MYOT: variants seen among roughly 807,000 people sequenced by gnomAD.
MYOT encodes the protein 57 kDa cytoskeletal protein.
MYOT carries 36 observed loss-of-function variants against 58.0 expected under a neutral mutation model. The observed-to-expected ratio is 0.62, with a 90% CI of 0.48 to 0.82. The LOEUF is 0.82. Ranked by LOEUF, MYOT falls within the 40% of genes least tolerant of loss-of-function variation. The pLI is 0.00. For synonymous variants in MYOT, 218 were observed against 204.6 expected (o/e 1.07, Z -0.56); for missense variants, 505 against 592.1 (o/e 0.85, Z 1.53).
intron 7 of MYOT, among the ~76,000 whole-genome samples, chr5:137,884,757 A>G (rs1321687196): frequency 6.6e-6 from 1 of 152,180 alleles, no homozygotes; most frequent in African/African-American, 2.4e-5. Flanking sequence ...GGTCCCAAGC[A>G]TTTCAGATAA....
chr5:137,875,471 A>G (rs1396305008), intron 2 of MYOT, among the ~76,000 whole-genome samples: 2 of 152,152 alleles, frequency 1.3e-5, no homozygotes, highest in African/African-American at 4.8e-5. Flanking sequence ...AAACATGCAC[A>G]TGTACTCCCA....
chr5:137,884,710 T>C (rs951697220), intron 7 of MYOT, among the ~76,000 whole-genome samples: 2 of 151,914 alleles, frequency 1.3e-5, no homozygotes, highest in Non-Finnish European at 2.9e-5. Flanking sequence ...GCTAATATTC[T>C]AAAATAAAAA....
intron 2 of MYOT, among the ~76,000 whole-genome samples, chr5:137,873,238 CAGT>C (rs1755104704): frequency 7.0e-6 from 1 of 141,878 alleles, no homozygotes; most frequent in Non-Finnish European, 1.6e-5. Context: ...AAAAAAAAAA[CAGT>C]AGGCTAGGCC....
At chr5:137,876,131 A>C in intron 3 of MYOT, 128 bp downstream of exon 3, 1 of 997,298 alleles carries the variant, frequency 1.0e-6, no homozygotes. Context: ...AAAAGAAGGA[A>C]TATTTGGGCC....
chr5:137,884,739 AC>A (rs1034718071), intron 7 of MYOT, among the ~76,000 whole-genome samples: 1 of 152,154 alleles, frequency 6.6e-6, no homozygotes, highest in Non-Finnish European at 1.5e-5. Flanking sequence ...GAAATCCAAA[AC>A]ACTTCTGGTC....
intron 5 of MYOT, 76 bp from the exon 6 acceptor site, chr5:137,881,897 T>G: frequency 6.5e-7 from 1 of 1,547,032 alleles, no homozygotes; most frequent in East Asian, 2.3e-5. Flanking sequence ...AAAAAATTGA[T>G]GGCTAAACTA....
At chr5:137,883,151 G>A in intron 6 of MYOT, 1 of 506,860 alleles carries the variant, frequency 2.0e-6, no homozygotes, top group Non-Finnish European at 3.5e-6. Flanking sequence ...AGAGACTGAG[G>A]TTGCATGTAA....
chr5:137,886,807 C>A, intron 8 of MYOT, 57 bp from the exon 9 acceptor site: 1 of 1,241,572 alleles, frequency 8.1e-7, no homozygotes, highest in Non-Finnish European at 1.2e-6. Flanking sequence ...TGGTCAGAGA[C>A]ATCCACTTCA....
chr5:137,877,886 T>C (rs1002091404), intron 4 of MYOT, among the ~76,000 whole-genome samples: 1 of 152,194 alleles, frequency 6.6e-6, no homozygotes, highest in African/African-American at 2.4e-5. Flanking sequence ...AGGACATTTA[T>C]GGGTCAGTTA....
intron 1 of MYOT, 136 bp from the exon 2 acceptor site, chr5:137,870,305 A>ACACACACG: frequency 2.6e-6 from 1 of 389,178 alleles, no homozygotes; most frequent in Non-Finnish European, 4.9e-6. Flanking sequence ...ACACACACAC[A>ACACACACG]CACACACACA....
intron 2 of MYOT, among the ~76,000 whole-genome samples, chr5:137,872,537 C>T (rs1282953402): frequency 6.6e-6 from 1 of 152,208 alleles, no homozygotes; most frequent in Non-Finnish European, 1.5e-5. Context: ...TCCACTTTAG[C>T]TGTTCCATTT....
intron 5 of MYOT, 29 bp downstream of exon 5, chr5:137,880,894 A>G: frequency 1.4e-6 from 2 of 1,424,284 alleles, no homozygotes; most frequent in African/African-American, 1.4e-5. Context: ...AAAGAAATGT[A>G]TGTTTTCCTA....
At chr5:137,887,172 G>C (rs2149990499) in intron 9 of MYOT, 41 bp from the exon 10 acceptor site, 2 of 1,613,032 alleles carry the variant, frequency 1.2e-6, no homozygotes, top group Non-Finnish European at 1.7e-6. Flanking sequence ...AATTTGGTTA[G>C]AACAGGTTTT....
intron 4 of MYOT, among the ~76,000 whole-genome samples, chr5:137,879,792 T>C (rs958401027): frequency 8.0e-5 from 12 of 149,860 alleles, no homozygotes; most frequent in African/African-American, 3.0e-4. Context: ...TGCCTCGGCC[T>C]CCCAAAGTGC....
In MYOT at chr5:137,877,624, AAGTTAAAATGCTCTAAGTGG is replaced by A; in HGVS notation, c.633+7_633+26del. On this transcript the variant is annotated splice_donor_5th_base_variant and intron_variant, in intron 4 of 9. Coordinates refer to ENST00000239926, the MANE Select transcript of MYOT (RefSeq NM_006790.3). Reference sequence around the variant, plus strand: ...ACAGTGGTGCACAAGACTCGCAGGTAAGTTAAAATGCTCTAAGTGGAGTATTTTTATTCTGTGCGATTTTT... The same window carrying A: ...ACAGTGGTGCACAAGACTCGCAGGTAAGTATTTTTATTCTGTGCGATTTTT... The A allele has an allele frequency of 6.3e-7, 1 of 1,594,636 alleles. No homozygotes were observed.
intron 6 of MYOT, chr5:137,882,919 T>C (rs1235649635): frequency 6.0e-6 from 1 of 167,148 alleles, no homozygotes; most frequent in Non-Finnish European, 1.3e-5. Flanking sequence ...TAACAGTTTA[T>C]GTAAAAACAC....
chr5:137,876,126 A>G (rs1755205644), intron 3 of MYOT, 123 bp downstream of exon 3: 1 of 1,077,230 alleles, frequency 9.3e-7, no homozygotes, highest in Non-Finnish European at 1.4e-6. Context: ...ATCTAAAAAG[A>G]AGGAATATTT....
rs398124238 is a variant in MYOT, at chr5:137,870,755, CCAAA to C, written c.107_110del (p.Lys36SerfsTer22). 9.9e-6 allele frequency: 16 copies of C among 1,614,092 alleles called. No individual in the cohort carries two copies. The highest frequency in any genetic ancestry group is 1.4e-5 in the Non-Finnish European group (16 of 1,180,042). ...GAAACCTCCAGCTTCTCTAGCCAGA[CCAAA>C]CAGTCTTCCATTATCATCCAGCCCC... On this transcript the variant is annotated frameshift_variant, in exon 2 of 10. Coordinates refer to ENST00000239926, the MANE Select transcript of MYOT (RefSeq NM_006790.3). LOFTEE classifies it high-confidence loss of function.
Position 137,880,798 on chromosome 5 carries a change from CTT to C in MYOT, c.634-16_634-15del. 1 of 1,602,450 alleles carries C rather than the reference CTT, an allele frequency of 6.2e-7. No individual in the cohort carries two copies. The highest frequency in any genetic ancestry group is 8.6e-7 in the Non-Finnish European group (1 of 1,169,574). ...TAACAATTGCATGTAAACATTCTTA[CTT>C]TGTTTTAATTTCAAGCAACACAACT... On this transcript the variant is annotated splice_polypyrimidine_tract_variant and intron_variant, in intron 4 of 9. Transcript: ENST00000239926.
Sources: gnomAD v4.1 joint callset for allele counts (sites outside exome capture counted in the v4.1 genomes callset) on GRCh38, gnomAD v4.1.1 for gene constraint, MANE v1.5 for transcripts, NCBI Gene and HGNC (gene_info 2026-07-23, HGNC 2026-07-21) for gene names.